The following MACROD1 variants were observed in gnomAD, a reference collection of about 807,000 sequenced individuals.
MACROD1 encodes the protein ADP-ribose glycohydrolase MACROD1.
Under a neutral mutation model 41.4 loss-of-function variants are expected in MACROD1, and 31 were observed. The observed-to-expected ratio is 0.75, with a 90% CI of 0.56 to 1.01. The LOEUF (loss-of-function observed/expected upper bound fraction) is 1.01, where lower values mean the gene tolerates loss of function less well. Ranked by LOEUF, MACROD1 falls within the 50% of genes least tolerant of loss-of-function variation. The pLI is 0.00. For missense variants in MACROD1, 473 were observed against 460.0 expected, an observed-to-expected ratio of 1.03 and a Z score of -0.26; for synonymous variants, 252 against 203.4, an observed-to-expected ratio of 1.24 and a Z score of -2.03.
At chr11:64,107,870 C>G (rs1944791066) in intron 3 of MACROD1, among the ~76,000 whole-genome samples, 2 of 152,242 alleles carry the variant, frequency 1.3e-5, no homozygotes, top group South Asian at 4.1e-4. Context: ...ACTCACACGA[C>G]TCAAGGCTCC....
At position 64,082,196 on chromosome 11, in the gene MACROD1, G is replaced by A. The variant is rs1400806387; in HGVS notation, c.518-66915C>T. The stretch of plus-strand genomic sequence containing the variant: ...GCAGGCCAGAGCCAGGAGCAGGCGC[G>A]AAACATCCCTTAAATATTGGTGCTC... On this transcript the variant is annotated intron_variant, in intron 3 of 10. Coordinates refer to ENST00000255681, the MANE Select transcript of MACROD1 (RefSeq NM_014067.4). This position sits in a 1 kb window ranked among gnomAD's most constrained non-coding sequence, Gnocchi z 4.5. Among the ~76,000 whole-genome samples the A allele has an allele frequency of 1.3e-5, 2 of 152,242 alleles. No homozygotes were observed. Among genetic ancestry groups the A allele is most frequent in the Non-Finnish European group, 2.9e-5 (2 of 67,998 alleles).
chr11:64,012,688 C>T (rs1386697807), intron 4 of MACROD1, among the ~76,000 whole-genome samples: 4 of 152,118 alleles, frequency 2.6e-5, no homozygotes, highest in African/African-American at 9.7e-5. Flanking sequence ...TGTGAGCCAC[C>T]GCTCCTGGCC....
intron 3 of MACROD1, among the ~76,000 whole-genome samples, chr11:64,017,944 GCCATTCCCCTGCCCA>G (rs890464681): frequency 3.2e-4 from 48 of 152,224 alleles, no homozygotes; most frequent in African/African-American, 1.1e-3. Context: ...GGAAGGTGAT[GCCATTCCCCTGCCCA>G]CCTGGCGCCC....
At chr11:64,053,925 G>T (rs1287307887) in intron 3 of MACROD1, among the ~76,000 whole-genome samples, 1 of 152,116 alleles carries the variant, frequency 6.6e-6, no homozygotes, top group Non-Finnish European at 1.5e-5. Context: ...ACCTCTGCTG[G>T]CCCGGAGTCA....
chr11:64,142,410 G>A (rs1225777376), intron 3 of MACROD1, among the ~76,000 whole-genome samples: 1 of 152,134 alleles, frequency 6.6e-6, no homozygotes, highest in Non-Finnish European at 1.5e-5. Flanking sequence ...AGGACAGAGA[G>A]CTACTGGGTC....
At chr11:64,141,437 C>T (rs545178383) in intron 3 of MACROD1, among the ~76,000 whole-genome samples, 31 of 152,342 alleles carry the variant, frequency 2.0e-4, no homozygotes, top group African/African-American at 7.5e-4. Context: ...AGCCAGACCC[C>T]TTCATATCCT....
At chr11:64,060,830 G>A (rs776180484) in intron 3 of MACROD1, among the ~76,000 whole-genome samples, 1 of 152,150 alleles carries the variant, frequency 6.6e-6, no homozygotes, top group Non-Finnish European at 1.5e-5. Flanking sequence ...GGTCGCCCGG[G>A]TCCCGGAGCC....
chr11:64,002,149 T>C (rs1302461872), intron 4 of MACROD1, among the ~76,000 whole-genome samples: 1 of 152,138 alleles, frequency 6.6e-6, no homozygotes, highest in Non-Finnish European at 1.5e-5. Flanking sequence ...ACACAGGGTG[T>C]TCACAGTGTG....
intron 3 of MACROD1, among the ~76,000 whole-genome samples, chr11:64,039,568 C>T (rs976495946): frequency 8.5e-5 from 13 of 152,092 alleles, no homozygotes; most frequent in Admixed American, 2.0e-4. Flanking sequence ...ACTGGATGGC[C>T]GGGAGGAGAC....
At chr11:64,117,217 T>G in intron 3 of MACROD1, 1 of 1,614,134 alleles carries the variant, frequency 6.2e-7, no homozygotes, top group Middle Eastern at 1.7e-4. Context: ...TTCGACGACC[T>G]GGGGAACCTG....
intron 3 of MACROD1, among the ~76,000 whole-genome samples, chr11:64,075,262 C>A (rs1011376750): frequency 1.3e-5 from 2 of 152,276 alleles, no homozygotes; most frequent in African/African-American, 4.8e-5. Context: ...TCTAGATAGG[C>A]TGGGACCTGC....
intron 3 of MACROD1, among the ~76,000 whole-genome samples, chr11:64,109,429 C>G (rs186452255): frequency 6.6e-6 from 1 of 152,142 alleles, no homozygotes; most frequent in Non-Finnish European, 1.5e-5. Context: ...TCTCCCCACT[C>G]GTGACACTGG....
rs772521391 is a variant in MACROD1 at position 63,998,920 on chromosome 11, C to T, written c.973+35G>A. 5 of 1,550,002 alleles carry T rather than the reference C, an allele frequency of 3.2e-6. No homozygotes were observed. In the East Asian group the frequency reaches 9.2e-5, roughly 29 times the overall value. On this transcript the variant is annotated intron_variant, in intron 9 of 10. Coordinates refer to ENST00000255681, the MANE Select transcript of MACROD1 (RefSeq NM_014067.4). ...AGCCCGCCCCCAGGGTGGACCGGGG[C>T]AGGGGCGGGCCGTGGGGCGGCGCGG...
intron 1 of MACROD1, 83 bp from the exon 2 acceptor site, chr11:64,152,476 A>G (rs1279969990): frequency 2.7e-6 from 3 of 1,096,024 alleles, no homozygotes; most frequent in South Asian, 1.2e-5. Flanking sequence ...TTCTTGCCTC[A>G]TCCAAGAATG....
At chr11:64,136,506 A>G (rs1483686072) in intron 3 of MACROD1, among the ~76,000 whole-genome samples, 1 of 152,220 alleles carries the variant, frequency 6.6e-6, no homozygotes, top group Non-Finnish European at 1.5e-5. Flanking sequence ...TATGAGGGCA[A>G]GGTCCAGAGG....
chr11:64,019,022 G>T (rs1943118726), intron 3 of MACROD1, among the ~76,000 whole-genome samples: 1 of 152,064 alleles, frequency 6.6e-6, no homozygotes, highest in Non-Finnish European at 1.5e-5. Flanking sequence ...ACGCCATGTG[G>T]GGCTGAGTGG....
chr11:64,086,516 G>T (rs1433310453), intron 3 of MACROD1, among the ~76,000 whole-genome samples: 1 of 151,166 alleles, frequency 6.6e-6, no homozygotes, highest in Non-Finnish European at 1.5e-5. Flanking sequence ...CTAGCTGACC[G>T]CCCTGCCCCA....
intron 3 of MACROD1, among the ~76,000 whole-genome samples, chr11:64,078,596 G>T (rs1420137383): frequency 6.6e-6 from 1 of 152,188 alleles, no homozygotes; most frequent in Non-Finnish European, 1.5e-5. Context: ...CCCATGGGGG[G>T]TGGCCACAGG....
chr11:64,113,871 C>CATACATGG lies in MACROD1; in HGVS notation c.517+37367_517+37368insCCATGTAT, dbSNP rs1555025518. Among the ~76,000 whole-genome samples the CATACATGG allele has an allele frequency of 1.2e-3, 95 of 77,910 alleles. 1 individual carries two copies. The East Asian group carries it at 0.021, about 17-fold the overall frequency. The allele number at this position is 77,910 out of a possible 152,430, so 51.1% of individuals were successfully genotyped here. A position where few individuals can be genotyped will look rare whatever the true frequency, so the allele number is the denominator to read the frequency against. On this transcript the variant is annotated intron_variant, in intron 3 of 10. Coordinates refer to ENST00000255681, the MANE Select transcript of MACROD1 (RefSeq NM_014067.4). ...GGACAGCTGGATGTATGGATTGATA[C>CATACATGG]ATGGATGGATGGATGGATGGATGGA...
Sources: gnomAD v4.1 joint callset for allele counts (sites outside exome capture counted in the v4.1 genomes callset) on GRCh38, gnomAD v4.1.1 for gene constraint, Gnocchi (gnomAD v3.1) non-coding constraint, MANE v1.5 for transcripts, NCBI Gene and HGNC (gene_info 2026-07-23, HGNC 2026-07-21) for gene names.